Variants in CNIH3 observed in about 807,000 individuals in gnomAD.
CNIH3 encodes the protein cornichon family AMPA receptor auxiliary protein 3.
CNIH3 carries 14 observed loss-of-function variants against 24.1 expected under a neutral mutation model. That is an observed-to-expected ratio of 0.58 (90% CI 0.38 to 0.91). CNIH3 has a LOEUF of 0.91. CNIH3 is among the 40% of genes least tolerant of loss of function. The pLI, the probability that CNIH3 is intolerant of heterozygous loss-of-function variation, is 0.00. For missense variants in CNIH3, 178 were observed against 196.8 expected (o/e 0.90, Z 0.57); for synonymous variants, 68 against 73.8 (o/e 0.92, Z 0.40).
intron 1 of CNIH3, among the ~76,000 whole-genome samples, chr1:224,645,689 G>A (rs771979319): frequency 2.6e-5 from 4 of 152,300 alleles, no homozygotes; most frequent in East Asian, 1.9e-4. Flanking sequence ...TGTGGCCAGC[G>A]GATATTCACA....
chr1:224,554,821 A>C (rs1680069123), intron 3 of CNIH3, among the ~76,000 whole-genome samples: 1 of 152,138 alleles, frequency 6.6e-6, no homozygotes. Flanking sequence ...CCCTGGGCTC[A>C]AGTGATCCTT....
intron 1 of CNIH3, among the ~76,000 whole-genome samples, chr1:224,460,484 G>T (rs998694622): frequency 6.6e-6 from 1 of 152,118 alleles, no homozygotes; most frequent in Non-Finnish European, 1.5e-5. Flanking sequence ...CATAGAGTAC[G>T]TGCTCTTCTT....
At position 224,475,095 on chromosome 1, in the gene CNIH3, C is replaced by T. The variant is rs112818922; in HGVS notation, n.203+40233C>T. 9.8e-3 allele frequency among the ~76,000 whole-genome samples: 1,437 copies of T among 145,900 alleles called. 18 individuals are homozygous for T. The highest frequency in any genetic ancestry group is 0.034 in the African/African-American group (1,329 of 39,146). Reference sequence around the variant, plus strand: ...AAATCAGAGGCTGGGCGCGGTGGCTCAGCCTGTAATCCCAGCACTTTGGAA... The same window carrying T: ...AAATCAGAGGCTGGGCGCGGTGGCTTAGCCTGTAATCCCAGCACTTTGGAA... On this transcript the variant is annotated intron_variant and non_coding_transcript_variant, in intron 1 of 5. Coordinates refer to the CNIH3 transcript ENST00000471578.
chr1:224,522,860 T>C (rs904125275), intron 2 of CNIH3, among the ~76,000 whole-genome samples: 2 of 152,218 alleles, frequency 1.3e-5, no homozygotes, highest in Non-Finnish European at 2.9e-5. Context: ...CATTATCTAT[T>C]AAAGGCAAAT....
intron 1 of CNIH3, chr1:224,459,354 G>A (rs1675810370): frequency 2.5e-6 from 1 of 394,798 alleles, no homozygotes; most frequent in Non-Finnish European, 3.4e-6. Context: ...AATCCTTGCA[G>A]TATGAAAACA....
chr1:224,533,944 C>T (rs1679181347), intron 2 of CNIH3, among the ~76,000 whole-genome samples: 1 of 152,192 alleles, frequency 6.6e-6, no homozygotes, highest in South Asian at 2.1e-4. Context: ...GCAGGTGGAT[C>T]GCTTGAGCCC....
chr1:224,475,477 A>C (rs934206984), intron 1 of CNIH3, among the ~76,000 whole-genome samples: 34 of 152,234 alleles, frequency 2.2e-4, no homozygotes, highest in Non-Finnish European at 4.4e-4. Flanking sequence ...ATAAATTGGA[A>C]AGTCTAGAAG....
Position 224,496,222 on chromosome 1 carries a change from CT to C in CNIH3, n.204-19517del, listed in dbSNP as rs897188298. On this transcript the variant is annotated intron_variant and non_coding_transcript_variant, in intron 1 of 5. Coordinates refer to the CNIH3 transcript ENST00000471578. ...CTGCCTCCTCTCTTGTGTCTCTTGG[CT>C]TATACCAACCACCATCCACTCGAGG... Among the ~76,000 whole-genome samples, 12 of 152,270 alleles carry C rather than the reference CT, an allele frequency of 7.9e-5. 1 individual carries two copies. The highest frequency in any genetic ancestry group is 7.8e-4 in the Admixed American group (12 of 15,300).
chr1:224,688,487 T>G (rs1247243461), intron 3 of CNIH3, among the ~76,000 whole-genome samples: 1 of 152,112 alleles, frequency 6.6e-6, no homozygotes, highest in Non-Finnish European at 1.5e-5. Context: ...CTGAAGGTGC[T>G]CGGTGAGTAT....
chr1:224,705,314 G>A (rs1317404701), intron 3 of CNIH3, among the ~76,000 whole-genome samples: 2 of 152,212 alleles, frequency 1.3e-5, no homozygotes, highest in African/African-American at 2.4e-5. Flanking sequence ...ATCAAAGGCT[G>A]CATGCTTTGC....
chr1:224,502,541 T>A (rs541474747), intron 1 of CNIH3, among the ~76,000 whole-genome samples: 4 of 152,176 alleles, frequency 2.6e-5, no homozygotes, highest in Non-Finnish European at 5.9e-5. Context: ...TTCCTCCTGG[T>A]CTAGGCACTC....
chr1:224,715,916 A>G (rs558134673), intron 3 of CNIH3, among the ~76,000 whole-genome samples: 2 of 152,298 alleles, frequency 1.3e-5, no homozygotes, highest in Non-Finnish European at 2.9e-5. Flanking sequence ...AAACCTAACT[A>G]CAGCACACTT....
At chr1:224,462,224 C>T (rs1442060724) in intron 1 of CNIH3, among the ~76,000 whole-genome samples, 1 of 152,164 alleles carries the variant, frequency 6.6e-6, no homozygotes, top group East Asian at 1.9e-4. Context: ...ATGTAGGGTT[C>T]ATGTGGTGTC....
At position 224,500,994 on chromosome 1, in the gene CNIH3, TA is replaced by T. The variant is rs550983409; in HGVS notation, n.204-14746del. ...TCCCCTTCTGCCACTTCCTGGAACC[TA>T]CCATCTGCTTCCACTGATCAGAGCC... On this transcript the variant is annotated intron_variant and non_coding_transcript_variant, in intron 1 of 5. Transcript: ENST00000471578. 2.6e-5 allele frequency among the ~76,000 whole-genome samples: 4 copies of T among 152,352 alleles called. No individual in the cohort carries two copies. The South Asian group carries it at 8.3e-4, about 32-fold the overall frequency.
At chr1:224,462,741 G>C (rs1675969173) in intron 1 of CNIH3, among the ~76,000 whole-genome samples, 1 of 149,152 alleles carries the variant, frequency 6.7e-6, no homozygotes, top group East Asian at 2.0e-4. Flanking sequence ...CCAGGCTCAG[G>C]TGATCCTCCC....
intron 1 of CNIH3, among the ~76,000 whole-genome samples, chr1:224,624,084 C>T (rs1683405388): frequency 6.6e-6 from 1 of 152,212 alleles, no homozygotes; most frequent in Admixed American, 6.5e-5. Flanking sequence ...CAGCATTTTG[C>T]TATTTGTGTA....
downstream of CNIH3, among the ~76,000 whole-genome samples, chr1:224,539,549 A>G (rs1005489244): frequency 1.3e-5 from 2 of 152,184 alleles, no homozygotes; most frequent in East Asian, 1.9e-4. Flanking sequence ...GCTCTCCAAG[A>G]TACGTGGTTC....
At chr1:224,632,615 G>A (rs1365439495) in intron 1 of CNIH3, among the ~76,000 whole-genome samples, 1 of 152,082 alleles carries the variant, frequency 6.6e-6, no homozygotes, top group East Asian at 1.9e-4. Context: ...AGAGCGGGGT[G>A]GGGTGGTGAG....
intron 4 of CNIH3, among the ~76,000 whole-genome samples, chr1:224,573,011 A>T (rs552789560): frequency 3.3e-5 from 5 of 152,312 alleles, no homozygotes; most frequent in African/African-American, 1.2e-4. Context: ...CTAGACCTAT[A>T]ATTATTAAGT....
Sources: gnomAD v4.1 joint callset for allele counts (sites outside exome capture counted in the v4.1 genomes callset) on GRCh38, gnomAD v4.1.1 for gene constraint, MANE v1.5 for transcripts, NCBI Gene and HGNC (gene_info 2026-07-23, HGNC 2026-07-21) for gene names.